Variants in P3H2 observed in about 807,000 individuals in gnomAD.
P3H2 encodes prolyl 3-hydroxylase 2.
In P3H2, 80 loss-of-function variants were observed where a neutral mutation model predicts 87.0. That is an observed-to-expected ratio of 0.92 (90% CI 0.77 to 1.11). The LOEUF (loss-of-function observed/expected upper bound fraction) is 1.11. Among genes scored for constraint, P3H2 ranks in the 50% least tolerant of loss-of-function variants. P3H2 has a pLI of 0.00. For synonymous variants in P3H2, 367 were observed against 359.3 expected (o/e 1.02, Z -0.24); for missense variants, 1,001 against 923.9 (o/e 1.08, Z -1.08).
intron 1 of P3H2, among the ~76,000 whole-genome samples, chr3:190,006,572 T>C (rs926026433): frequency 1.3e-5 from 2 of 152,160 alleles, no homozygotes; most frequent in African/African-American, 2.4e-5. Flanking sequence ...CAAGAAGACA[T>C]ACACAGACTA....
intron 1 of P3H2, among the ~76,000 whole-genome samples, chr3:190,078,933 C>T (rs1393503441): frequency 2.0e-5 from 3 of 152,138 alleles, no homozygotes; most frequent in Non-Finnish European, 4.4e-5. Flanking sequence ...ACTGTTTACA[C>T]GAGACTGTAT....
chr3:190,084,808 A>T (rs1244002265), intron 1 of P3H2, among the ~76,000 whole-genome samples: 1 of 152,194 alleles, frequency 6.6e-6, no homozygotes, highest in Non-Finnish European at 1.5e-5. Context: ...TTTTAGCCAC[A>T]GTCTCTACAA....
intron 1 of P3H2, among the ~76,000 whole-genome samples, chr3:190,081,437 G>A (rs992982559): frequency 9.2e-5 from 14 of 152,138 alleles, no homozygotes; most frequent in Non-Finnish European, 1.9e-4. Context: ...TTGTATGTAT[G>A]TAGTGTATCT....
intron 8 of P3H2, among the ~76,000 whole-genome samples, chr3:189,975,222 A>G (rs1039193078): frequency 2.6e-5 from 4 of 152,094 alleles, no homozygotes; most frequent in African/African-American, 9.7e-5. Context: ...TTGCTTTTGG[A>G]GTGTTTTTCT....
At chr3:190,068,818 A>C (rs1045688918) in intron 1 of P3H2, among the ~76,000 whole-genome samples, 1 of 151,606 alleles carries the variant, frequency 6.6e-6, no homozygotes, top group African/African-American at 2.4e-5. Context: ...AATAATTTTC[A>C]GCTTCTCTAC....
intron 1 of P3H2, among the ~76,000 whole-genome samples, chr3:190,113,941 G>A (rs1198100926): frequency 1.3e-5 from 2 of 151,136 alleles, no homozygotes; most frequent in Admixed American, 6.6e-5. Flanking sequence ...TTAGCCGGGC[G>A]TGGAGGCGGG....
In P3H2 at chr3:190,120,597, G is replaced by T; in HGVS notation, c.135C>A (p.Asp45Glu). The T allele has an allele frequency of 6.5e-7, 1 of 1,548,008 alleles. No homozygotes were observed. Among genetic ancestry groups the T allele is most frequent in the African/African-American group, 1.4e-5 (1 of 71,384 alleles). The part of the protein sequence containing the change: ...ELEPGPLQPF[D>E]LLYASGAAAY... ...CGGCCGCGCCGCTGGCGTAGAGCAG[G>T]TCGAAGGGCTGCAGAGGCCCGGGCT... The change falls in exon 1 of 15, where the codon GAC becomes GAA. Residue 45 changes from aspartate (D) to glutamate (E), a missense_variant. Transcript: ENST00000319332.
At chr3:190,085,015 T>C (rs924429458) in intron 1 of P3H2, among the ~76,000 whole-genome samples, 14 of 152,134 alleles carry the variant, frequency 9.2e-5, no homozygotes, top group Admixed American at 3.3e-4. Context: ...AAGATGGTGT[T>C]CATCTCAAAT....
At chr3:190,053,358 T>C (rs1021708556) in intron 1 of P3H2, among the ~76,000 whole-genome samples, 5 of 152,158 alleles carry the variant, frequency 3.3e-5, no homozygotes, top group African/African-American at 1.2e-4. Context: ...TCTTTATATA[T>C]TCTAGACACA....
At chr3:190,002,804 T>C (rs555091376) in intron 1 of P3H2, among the ~76,000 whole-genome samples, 1 of 152,336 alleles carries the variant, frequency 6.6e-6, no homozygotes, top group Non-Finnish European at 1.5e-5. Flanking sequence ...ATAGTTGCCT[T>C]AGCAAGGAAA....
At chr3:190,075,973 G>A (rs1577311355) in intron 1 of P3H2, among the ~76,000 whole-genome samples, 2 of 152,180 alleles carry the variant, frequency 1.3e-5, no homozygotes, top group East Asian at 1.9e-4. Context: ...AACTCCTCCA[G>A]GAAATTTGAG....
intron 1 of P3H2, among the ~76,000 whole-genome samples, chr3:190,018,725 A>G (rs1412340846): frequency 6.6e-6 from 1 of 152,192 alleles, no homozygotes; most frequent in Non-Finnish European, 1.5e-5. Flanking sequence ...GGATAAAAAG[A>G]TAAGTGCCTT....
intron 1 of P3H2, among the ~76,000 whole-genome samples, chr3:190,004,044 G>A (rs951014437): frequency 1.3e-5 from 2 of 152,094 alleles, no homozygotes; most frequent in Admixed American, 1.3e-4. Flanking sequence ...GTCAGATTTT[G>A]AAAAATAAAT....
At chr3:190,063,783 C>T (rs1011064070) in intron 1 of P3H2, among the ~76,000 whole-genome samples, 4 of 151,976 alleles carry the variant, frequency 2.6e-5, no homozygotes, top group African/African-American at 7.3e-5. Flanking sequence ...TAAGCTGTTA[C>T]CCCAGGATAT....
intron 1 of P3H2, among the ~76,000 whole-genome samples, chr3:190,006,458 G>A (rs901635427): frequency 6.6e-6 from 1 of 152,228 alleles, no homozygotes; most frequent in African/African-American, 2.4e-5. Context: ...TAACAGGTTT[G>A]CTGGTCACTT....
At chr3:190,018,148 G>T (rs1406571380) in intron 1 of P3H2, among the ~76,000 whole-genome samples, 1 of 152,128 alleles carries the variant, frequency 6.6e-6, no homozygotes, top group Non-Finnish European at 1.5e-5. Flanking sequence ...GGCAAAGATT[G>T]CTTCTATTTT....
chr3:189,990,655 C>A (rs562695918), intron 3 of P3H2, among the ~76,000 whole-genome samples: 1 of 152,234 alleles, frequency 6.6e-6, no homozygotes, highest in East Asian at 1.9e-4. Flanking sequence ...TTCAAATATT[C>A]TGATTTTCTA....
upstream of P3H2, chr3:190,121,154 C>T (rs115691413): frequency 2.2e-4 from 37 of 168,502 alleles, no homozygotes; most frequent in African/African-American, 8.6e-4. Flanking sequence ...TAAAGAAAAT[C>T]CAGCTTAGCA....
At chr3:189,993,094 G>A (rs1201659524) in intron 3 of P3H2, among the ~76,000 whole-genome samples, 3 of 152,052 alleles carry the variant, frequency 2.0e-5, no homozygotes, top group Non-Finnish European at 2.9e-5. Context: ...AAGCCGAGGT[G>A]GGCGGATTAC....
Sources: allele counts gnomAD v4.1 joint callset (sites outside exome capture counted in the v4.1 genomes callset), GRCh38; gene constraint gnomAD v4.1.1; transcripts MANE v1.5; gene names NCBI Gene and HGNC (gene_info 2026-07-23, HGNC 2026-07-21).